PLPP4: variants seen among roughly 807,000 people sequenced by gnomAD.
PLPP4 encodes phospholipid phosphatase 4.
A neutral mutation model predicts 32.2 loss-of-function variants in PLPP4; 20 were observed. The observed-to-expected ratio is 0.62, with a 90% CI of 0.44 to 0.90. The LOEUF is 0.90. Among genes scored for constraint, PLPP4 ranks in the 40% least tolerant of loss-of-function variants. PLPP4 has a pLI of 0.00. For missense variants in PLPP4, 257 were observed against 353.1 expected (o/e 0.73, Z 2.18); for synonymous variants, 127 against 133.0 (o/e 0.95, Z 0.31).
chr10:120,533,360 G>A (rs1202954748), intron 5 of PLPP4, among the ~76,000 whole-genome samples: 1 of 152,126 alleles, frequency 6.6e-6, no homozygotes, highest in Middle Eastern at 3.4e-3. Flanking sequence ...TTTAAATCCG[G>A]TTTTGTGTCT....
At chr10:120,586,001 A>G (rs1405025218) in intron 6 of PLPP4, among the ~76,000 whole-genome samples, 2 of 152,216 alleles carry the variant, frequency 1.3e-5, no homozygotes, top group Non-Finnish European at 2.9e-5. Context: ...TTGAACTCGT[A>G]TGGGGAGAAA....
intron 1 of PLPP4, among the ~76,000 whole-genome samples, chr10:120,494,261 AT>A (rs1844859904): frequency 1.3e-5 from 2 of 152,222 alleles, no homozygotes; most frequent in Non-Finnish European, 2.9e-5. Flanking sequence ...TAAGCACTTC[AT>A]ATGAATTAAT....
chr10:120,573,071 A>G (rs1285020113), intron 5 of PLPP4, among the ~76,000 whole-genome samples: 2 of 152,216 alleles, frequency 1.3e-5, no homozygotes, highest in South Asian at 2.1e-4. Context: ...AGAAAAAACA[A>G]CAACAAAAAA....
At chr10:120,457,969 C>T (rs995665066) in intron 1 of PLPP4, among the ~76,000 whole-genome samples, 1 of 152,364 alleles carries the variant, frequency 6.6e-6, no homozygotes, top group Non-Finnish European at 1.5e-5. Context: ...GGTCGATGTC[C>T]GCTTTGGGGG....
At chr10:120,518,203 T>C (rs1207150678) in intron 3 of PLPP4, among the ~76,000 whole-genome samples, 1 of 152,228 alleles carries the variant, frequency 6.6e-6, no homozygotes, top group Non-Finnish European at 1.5e-5. Context: ...GTGCTCTGTA[T>C]GGTCAAATAA....
intron 5 of PLPP4, among the ~76,000 whole-genome samples, chr10:120,536,892 A>G (rs138561650): frequency 1.3e-5 from 2 of 152,226 alleles, no homozygotes; most frequent in Admixed American, 1.3e-4. Flanking sequence ...CGAGCAAAAG[A>G]CCTGAATAGA....
At chr10:120,506,212 T>A (rs552812773) in intron 2 of PLPP4, among the ~76,000 whole-genome samples, 1 of 152,352 alleles carries the variant, frequency 6.6e-6, no homozygotes, top group South Asian at 2.1e-4. Flanking sequence ...TTTTATTTCA[T>A]TAATAGCAGT....
intron 1 of PLPP4, among the ~76,000 whole-genome samples, chr10:120,492,256 T>C (rs982932597): frequency 6.6e-6 from 1 of 152,206 alleles, no homozygotes; most frequent in African/African-American, 2.4e-5. Context: ...ATATTTTCAG[T>C]CTTCTGTTGT....
chr10:120,462,962 C>T (rs1382785740), intron 1 of PLPP4, among the ~76,000 whole-genome samples: 1 of 149,058 alleles, frequency 6.7e-6, no homozygotes, highest in East Asian at 2.0e-4. Flanking sequence ...TCAGTCCTTT[C>T]TATGTAATGA....
At chr10:120,581,128 T>G in intron 6 of PLPP4, 1 of 1,218,680 alleles carries the variant, frequency 8.2e-7, no homozygotes, top group African/African-American at 1.6e-5. Flanking sequence ...TCAGGACTTC[T>G]GCCCTCTTCC....
intron 5 of PLPP4, among the ~76,000 whole-genome samples, chr10:120,565,731 T>G (rs1238083460): frequency 6.6e-6 from 1 of 152,288 alleles, no homozygotes; most frequent in East Asian, 1.9e-4. Context: ...TGAGATACCC[T>G]CTGCCATTAT....
intron 5 of PLPP4, among the ~76,000 whole-genome samples, chr10:120,561,926 A>G (rs910568217): frequency 6.6e-6 from 1 of 152,130 alleles, no homozygotes; most frequent in African/African-American, 2.4e-5. Flanking sequence ...CATCTCTCCC[A>G]TTGCTTTTCT....
chr10:120,561,856 T>C (rs752502042), intron 5 of PLPP4, among the ~76,000 whole-genome samples: 8 of 152,226 alleles, frequency 5.3e-5, no homozygotes, highest in African/African-American at 1.9e-4. Context: ...TGACCACACC[T>C]GATTTCAAGG....
intron 5 of PLPP4, among the ~76,000 whole-genome samples, chr10:120,563,167 A>G (rs1848511798): frequency 6.6e-6 from 1 of 152,220 alleles, no homozygotes; most frequent in Non-Finnish European, 1.5e-5. Flanking sequence ...TGAAGCCAGG[A>G]GGCAGAGGTC....
chr10:120,462,567 G>A (rs535812489), intron 1 of PLPP4, among the ~76,000 whole-genome samples: 5 of 152,278 alleles, frequency 3.3e-5, no homozygotes, highest in African/African-American at 9.6e-5. Flanking sequence ...CCTAGCCTTG[G>A]CACAAGCATG....
At chr10:120,521,121 A>C (rs1309695775) in intron 5 of PLPP4, 26 bp downstream of exon 5, 3 of 1,613,270 alleles carry the variant, frequency 1.9e-6, no homozygotes, top group Non-Finnish European at 2.5e-6. Flanking sequence ...GGATTCTCTT[A>C]ATGCCCCCAG....
At chr10:120,560,926 T>A (rs1489356951) in intron 5 of PLPP4, among the ~76,000 whole-genome samples, 1 of 152,186 alleles carries the variant, frequency 6.6e-6, no homozygotes, top group Non-Finnish European at 1.5e-5. Flanking sequence ...AAAGTTATAC[T>A]CAGATTTTCA....
At chr10:120,458,654 C>A (rs904620969) in intron 1 of PLPP4, among the ~76,000 whole-genome samples, 2 of 152,130 alleles carry the variant, frequency 1.3e-5, no homozygotes, top group African/African-American at 4.8e-5. Flanking sequence ...CCGCCTTCTG[C>A]CCGAACACTG....
chr10:120,478,948 T>C (rs1019636320), intron 1 of PLPP4, among the ~76,000 whole-genome samples: 7 of 152,192 alleles, frequency 4.6e-5, no homozygotes, highest in East Asian at 3.8e-4. Flanking sequence ...AAAAACTGGC[T>C]GGGCGCAGTG....
Sources: allele counts gnomAD v4.1 joint callset (sites outside exome capture counted in the v4.1 genomes callset), GRCh38; gene constraint gnomAD v4.1.1; transcripts MANE v1.5; gene names NCBI Gene and HGNC (gene_info 2026-07-23, HGNC 2026-07-21).